ARHGEF10L: variants seen among roughly 807,000 people sequenced by gnomAD.
ARHGEF10L encodes rho guanine nucleotide exchange factor 10-like protein.
A neutral mutation model predicts 141.2 loss-of-function variants in ARHGEF10L; 69 were observed. That is an observed-to-expected ratio of 0.49 (90% CI 0.40 to 0.60). ARHGEF10L has a LOEUF of 0.60. ARHGEF10L is among the 20% of genes least tolerant of loss of function. ARHGEF10L has a pLI of 0.00. For missense variants in ARHGEF10L, 1,482 were observed against 1,734.3 expected (o/e 0.85, Z 2.58); for synonymous variants, 711 against 718.5 (o/e 0.99, Z 0.17).
chr1:17,636,231 G>A (rs891338607), intron 18 of ARHGEF10L, among the ~76,000 whole-genome samples: 2 of 152,156 alleles, frequency 1.3e-5, no homozygotes, highest in East Asian at 3.9e-4. Context: ...ATGTGTCTGT[G>A]GCCGCATTCC....
At chr1:17,650,615 C>T (rs1469743723) in intron 22 of ARHGEF10L, among the ~76,000 whole-genome samples, 1 of 151,922 alleles carries the variant, frequency 6.6e-6, no homozygotes, top group East Asian at 1.9e-4. Flanking sequence ...CACCTGTAGT[C>T]CTAGCTACTG....
At chr1:17,530,099 C>G in the ARHGEF10L span, among the ~76,000 whole-genome samples, 2 of 152,062 alleles carry the variant, frequency 1.3e-5, no homozygotes, top group African/African-American at 4.8e-5. Flanking sequence ...TTCCAAAGTG[C>G]TGAGATTACA....
chr1:17,652,951 C>G (rs1451636631), intron 22 of ARHGEF10L, among the ~76,000 whole-genome samples: 2 of 152,218 alleles, frequency 1.3e-5, no homozygotes, highest in African/African-American at 4.8e-5. Flanking sequence ...CTGCTGTTGG[C>G]CGTGTACCCT....
chr1:17,638,787 C>A, intron 20 of ARHGEF10L, 98 bp downstream of exon 20: 3 of 1,539,210 alleles, frequency 1.9e-6, no homozygotes, highest in South Asian at 1.2e-5. Flanking sequence ...TCTTATTTGT[C>A]GAGATGCCAT....
At chr1:17,634,018 C>T (rs1257652270) in intron 16 of ARHGEF10L, among the ~76,000 whole-genome samples, 5 of 152,156 alleles carry the variant, frequency 3.3e-5, no homozygotes, top group East Asian at 1.9e-4. Context: ...CCCCTGCCTC[C>T]GGGAGCTCAG....
intron 21 of ARHGEF10L, among the ~76,000 whole-genome samples, chr1:17,642,172 G>A (rs2061363363): frequency 6.6e-6 from 1 of 152,148 alleles, no homozygotes; most frequent in African/African-American, 2.4e-5. Flanking sequence ...TAAATGGGGA[G>A]CAAATCTGCA....
chr1:17,664,121 GAGTA>G, intron 25 of ARHGEF10L, among the ~76,000 whole-genome samples: 1 of 152,168 alleles, frequency 6.6e-6, no homozygotes, highest in African/African-American at 2.4e-5. Flanking sequence ...GGCATGGGTG[GAGTA>G]GGTGCTTACT....
At chr1:17,634,760 G>A (rs2060900634) in intron 17 of ARHGEF10L, 75 bp from the exon 18 acceptor site, 1 of 1,495,852 alleles carries the variant, frequency 6.7e-7, no homozygotes, top group Non-Finnish European at 9.0e-7. Context: ...TGGTGTGGAG[G>A]AGCAATGCCC....
At chr1:17,618,547 AC>A in intron 9 of ARHGEF10L, 1 of 1,348,810 alleles carries the variant, frequency 7.4e-7, no homozygotes, top group Non-Finnish European at 9.6e-7. Context: ...GGGTGTCTCT[AC>A]CCCCTCCCAC....
In ARHGEF10L at chr1:17,563,370, G is replaced by T. The variant is rs1024351681; in HGVS notation, c.-43-17183G>T. The stretch of plus-strand genomic sequence containing the variant: ...CCACTTTAGCCTCCTGAGTAGCTGG[G>T]ACTACAGGCGTGTACCACCATGCCT... On this transcript the variant is annotated intron_variant, in intron 1 of 28. Transcript: ENST00000361221. 2.0e-5 allele frequency among the ~76,000 whole-genome samples: 3 copies of T among 152,188 alleles called. No individual in the cohort carries two copies. In the South Asian group the frequency reaches 6.2e-4, roughly 32 times the overall value.
rs2061198141 is a variant in ARHGEF10L at position 17,639,351 on chromosome 1, C to A, written c.2171+662C>A. Among the ~76,000 whole-genome samples the A allele has an allele frequency of 6.6e-6, 1 of 152,210 alleles. No homozygotes were observed. Among genetic ancestry groups the A allele is most frequent in the African/African-American group, 2.4e-5 (1 of 41,450 alleles). ...AGCCCAGGCCAGTGCAATGAGGGGG[C>A]TCAATGCCCAGGTTTTGGCCTCCAG... On this transcript the variant is annotated intron_variant, in intron 20 of 28. Transcript: ENST00000361221. This position sits in a 1 kb window ranked among gnomAD's most constrained non-coding sequence, Gnocchi z 4.3.
At chr1:17,683,920 A>T (rs2064350053) in intron 26 of ARHGEF10L, among the ~76,000 whole-genome samples, 1 of 152,116 alleles carries the variant, frequency 6.6e-6, no homozygotes, top group Non-Finnish European at 1.5e-5. Flanking sequence ...GCTTTTTCGG[A>T]GGCTGAAAAT....
At chr1:17,534,081 C>T in the ARHGEF10L span, among the ~76,000 whole-genome samples, 2 of 151,920 alleles carry the variant, frequency 1.3e-5, no homozygotes, top group Admixed American at 6.6e-5. Context: ...CCTGCCTCAG[C>T]TTCCTGGGTA....
intron 1 of ARHGEF10L, among the ~76,000 whole-genome samples, chr1:17,556,281 G>T (rs1341380815): frequency 3.9e-5 from 4 of 102,400 alleles, no homozygotes; most frequent in Non-Finnish European, 8.3e-5. Flanking sequence ...GCGGGGGGGG[G>T]GCCTGGGAGC....
At chr1:17,569,770 G>C (rs1232670794) in intron 1 of ARHGEF10L, among the ~76,000 whole-genome samples, 3 of 152,362 alleles carry the variant, frequency 2.0e-5, no homozygotes, top group African/African-American at 7.2e-5. Context: ...GTGCCTGCCT[G>C]GTGACGGTGG....
chr1:17,675,990 G>C (rs1195774486), intron 26 of ARHGEF10L, among the ~76,000 whole-genome samples: 1 of 147,788 alleles, frequency 6.8e-6, no homozygotes, highest in African/African-American at 2.5e-5. Context: ...GTGCAGGTGT[G>C]TGCAGGTGTG....
Position 17,697,188 on chromosome 1 carries a change from C to A in ARHGEF10L, c.3648C>A (p.Asp1216Glu). The A allele has an allele frequency of 1.2e-6, 2 of 1,612,104 alleles. No individual in the cohort carries two copies. Among genetic ancestry groups the A allele is most frequent in the South Asian group, 1.1e-5 (1 of 91,044 alleles). Residue 1216 changes from aspartate to glutamate, a missense_variant, in exon 29 of 29, where the codon GAC becomes GAA. Transcript: ENST00000361221. The surrounding 1 kb of genome is among the most constrained non-coding windows in gnomAD (Gnocchi z 4.8). The stretch of plus-strand genomic sequence containing the variant: ...GCTCCATTTACGAGATGGCCGACGA[C>A]CCCGACATCTGGGTGCGCAGCCGGC... ...EDGSIYEMAD[D>E]PDIWVRSRPC...
intron 1 of ARHGEF10L, among the ~76,000 whole-genome samples, chr1:17,548,258 A>C (rs2076984450): frequency 6.6e-6 from 1 of 152,226 alleles, no homozygotes; most frequent in Admixed American, 6.5e-5. Flanking sequence ...ATTTTATTTA[A>C]TGTTACTATA....
At chr1:17,538,693 TA>T (rs35238374), upstream of ARHGEF10L, among the ~76,000 whole-genome samples, 74,755 of 129,666 alleles carry the variant, frequency 0.58, 20,426 homozygotes, top group East Asian at 0.77. Context: ...AGGGAGTAGT[TA>T]AAAAAAAAAA....
Sources: gnomAD v4.1 joint callset for allele counts (sites outside exome capture counted in the v4.1 genomes callset) on GRCh38, gnomAD v4.1.1 for gene constraint, Gnocchi (gnomAD v3.1) non-coding constraint, MANE v1.5 for transcripts, NCBI Gene and HGNC (gene_info 2026-07-23, HGNC 2026-07-21) for gene names.